The following DNAI4 variants were observed in gnomAD, a reference collection of about 807,000 sequenced individuals.
DNAI4 encodes the protein WD repeat domain 78.
A neutral mutation model predicts 105.8 loss-of-function variants in DNAI4; 85 were observed. The observed-to-expected ratio is 0.80, with a 90% CI of 0.67 to 0.96. The LOEUF is 0.96. DNAI4 is among the 40% of genes least tolerant of loss of function. The pLI is 0.00. For synonymous variants in DNAI4, 352 were observed against 331.5 expected, an observed-to-expected ratio of 1.06 and a Z score of -0.67; for missense variants, 1,014 against 1,005.6, an observed-to-expected ratio of 1.01 and a Z score of -0.11.
At chr1:66,896,341 T>A (rs1648337349) in intron 2 of DNAI4, among the ~76,000 whole-genome samples, 1 of 152,264 alleles carries the variant, frequency 6.6e-6, no homozygotes, top group African/African-American at 2.4e-5. Context: ...ATGTGCTTTT[T>A]AAATTGCTTT....
In DNAI4 at chr1:66,826,802, A is replaced by T. The variant is rs773066908; in HGVS notation, c.2339+18T>A. The T allele has an allele frequency of 1.2e-6, 2 of 1,609,340 alleles. No individual in the cohort carries two copies. The highest frequency in any genetic ancestry group is 1.7e-6 in the Non-Finnish European group (2 of 1,177,650). On this transcript the variant is annotated intron_variant, in intron 15 of 16. Transcript: ENST00000371026. Reference sequence around the variant, plus strand: ...AACTGCTTCTACTAAAATTTATGCAAGAAAAATAGTAACTTACGTGCTGAT... The same window carrying T: ...AACTGCTTCTACTAAAATTTATGCATGAAAAATAGTAACTTACGTGCTGAT...
Position 66,814,269 on chromosome 1 carries a change from G to C in DNAI4, c.2497-89C>G. ...TTAAAATGCCATTTAAAATTTATAA[G>C]TTAGTGATACACATATCCAATAAGA... On this transcript the variant is annotated intron_variant, in intron 16 of 16. Coordinates refer to ENST00000371026, the MANE Select transcript of DNAI4 (RefSeq NM_024763.5). 9 of 962,924 alleles carry C rather than the reference G, an allele frequency of 9.3e-6. No homozygotes were observed. The South Asian group carries it at 1.2e-4, about 13-fold the overall frequency. The allele number at this position is 962,924 out of a possible 1,614,324, so 59.6% of individuals were successfully genotyped here. A position where few individuals can be genotyped will look rare whatever the true frequency, so the allele number is the denominator to read the frequency against.
intron 1 of DNAI4, among the ~76,000 whole-genome samples, chr1:66,915,095 T>A (rs74767379): frequency 0.029 from 4,363 of 152,320 alleles, 83 homozygotes; most frequent in Non-Finnish European, 0.042. Flanking sequence ...TATAAAACCA[T>A]AAACCCAGCC....
Position 66,835,644 on chromosome 1 carries a change from A to G in DNAI4, c.1715T>C (p.Val572Ala). ...AIYNVRSNSN[V>A]PVLDSSESPQ... ...TTCTTACCTACTATCCAGAACTGGA[A>G]CATTACTGTTGCTCCGTACATTGTA... is the stretch of plus-strand genomic sequence containing the variant. The change falls in exon 11 of 17, where the codon GTT (valine) becomes GCT (alanine). Residue 572 changes from valine (V) to alanine (A), a missense_variant. Physicochemically the swap from Val to Ala is moderately conservative, Grantham distance 64. Transcript: ENST00000371026. 6.2e-7 allele frequency: 1 copy of G among 1,614,132 alleles called. No homozygotes were observed. Among genetic ancestry groups the G allele is most frequent in the Non-Finnish European group, 8.5e-7 (1 of 1,179,992 alleles).
Position 66,827,812 on chromosome 1 carries a change from C to T in DNAI4, c.2112G>A (p.Lys704=), listed in dbSNP as rs1645786683. The T allele has an allele frequency of 6.5e-7, 1 of 1,542,326 alleles. No individual in the cohort carries two copies. The highest frequency in any genetic ancestry group is 8.8e-7 in the Non-Finnish European group (1 of 1,134,478). The change falls in exon 14 of 17, where the codon AAG becomes AAA. Residue 704 remains lysine, a splice_region_variant and synonymous_variant. Coordinates refer to ENST00000371026, the MANE Select transcript of DNAI4 (RefSeq NM_024763.5). ...EQYLDTYRGH[K]GPVYKVTWNP... is the part of the protein sequence containing the mutation. Reference sequence around the variant, plus strand: ...TCCAACCTACTATAATTAAACTAACCTTATGTCCTCTGTAGGTATCTAAGT... The same window carrying T: ...TCCAACCTACTATAATTAAACTAACTTTATGTCCTCTGTAGGTATCTAAGT...
intron 16 of DNAI4, among the ~76,000 whole-genome samples, chr1:66,818,717 G>A (rs1236598531): frequency 2.6e-5 from 4 of 152,022 alleles, no homozygotes; most frequent in Admixed American, 1.3e-4. Context: ...TCAGGAGTTC[G>A]AGACCAGCCA....
chr1:66,869,255 G>T, intron 6 of DNAI4, among the ~76,000 whole-genome samples: 1 of 151,424 alleles, frequency 6.6e-6, no homozygotes, highest in African/African-American at 2.4e-5. Context: ...ATTTTAAAAT[G>T]GTATTTTTGA....
chr1:66,905,148 T>A (rs775453191), intron 2 of DNAI4, 53 bp downstream of exon 2: 42 of 1,299,768 alleles, frequency 3.2e-5, no homozygotes, highest in Non-Finnish European at 4.1e-5. Context: ...ACATTTCAAT[T>A]GAGTTTTTCA....
chr1:66,840,560 ATTG>A lies in DNAI4; in HGVS notation c.1400_1402del (p.Thr467del). The stretch of plus-strand genomic sequence containing the variant: ...CCAAAGTCGTTCCAAGTTGGCGGGT[ATTG>A]TTGATTCTTCTGCATGTATTTCTTC... On this transcript the variant is annotated inframe_deletion, in exon 9 of 17. Coordinates refer to ENST00000371026, the MANE Select transcript of DNAI4 (RefSeq NM_024763.5). 1.2e-6 allele frequency: 2 copies of A among 1,614,168 alleles called. No individual in the cohort carries two copies. Among genetic ancestry groups the A allele is most frequent in the Non-Finnish European group, 1.7e-6 (2 of 1,180,032 alleles).
chr1:66,889,573 A>G (rs1489213538), intron 4 of DNAI4, among the ~76,000 whole-genome samples: 1 of 152,200 alleles, frequency 6.6e-6, no homozygotes, highest in African/African-American at 2.4e-5. Context: ...TGTCAGAGTC[A>G]TTCCTGTTAC....
At chr1:66,905,074 T>C (rs565648324) in intron 2 of DNAI4, 127 bp downstream of exon 2, 2 of 745,596 alleles carry the variant, frequency 2.7e-6, no homozygotes, top group East Asian at 5.8e-5. Context: ...GTGGTAAAAA[T>C]TAACAAAATC....
intron 1 of DNAI4, among the ~76,000 whole-genome samples, chr1:66,918,484 AAGCC>A (rs1413462705): frequency 6.6e-6 from 1 of 152,196 alleles, no homozygotes; most frequent in East Asian, 1.9e-4. Context: ...CTGTGAACTG[AAGCC>A]AGACAACTTA....
chr1:66,900,007 T>C (rs924274944), intron 2 of DNAI4, among the ~76,000 whole-genome samples: 1 of 152,208 alleles, frequency 6.6e-6, no homozygotes, highest in Non-Finnish European at 1.5e-5. Flanking sequence ...CCTACTTTGC[T>C]CTTTTTCAGG....
intron 2 of DNAI4, 61 bp from the exon 3 acceptor site, chr1:66,893,474 C>T (rs1648043424): frequency 8.4e-6 from 10 of 1,194,958 alleles, no homozygotes; most frequent in Non-Finnish European, 1.1e-5. Context: ...TAAATAACAG[C>T]TGCTAGAAAA....
chr1:66,843,233 AGG>A, intron 8 of DNAI4, among the ~76,000 whole-genome samples: 1 of 96,778 alleles, frequency 1.0e-5, no homozygotes, highest in South Asian at 3.9e-4. Flanking sequence ...GGGGGGGAGG[AGG>A]AGGAGGAGGA....
intron 4 of DNAI4, among the ~76,000 whole-genome samples, chr1:66,882,342 T>C (rs1364932221): frequency 1.3e-5 from 2 of 152,244 alleles, no homozygotes; most frequent in Non-Finnish European, 2.9e-5. Context: ...CAATTTCTAA[T>C]TTTATGGATT....
intron 7 of DNAI4, among the ~76,000 whole-genome samples, chr1:66,849,637 G>A (rs993016156): frequency 6.6e-6 from 1 of 152,050 alleles, no homozygotes; most frequent in East Asian, 1.9e-4. Context: ...CATTCAACAA[G>A]TATTTATGAA....
Position 66,874,630 on chromosome 1 carries a change from T to C in DNAI4, c.800+151A>G, listed in dbSNP as rs559771901. 1.1e-5 allele frequency: 6 copies of C among 553,864 alleles called. No homozygotes were observed. In the South Asian group the frequency reaches 3.3e-4, roughly 30 times the overall value. The allele number at this position is 553,864 out of a possible 1,614,324, so 34.3% of individuals were successfully genotyped here. A position where few individuals can be genotyped will look rare whatever the true frequency, so the allele number is the denominator to read the frequency against. ...TTCACATGGCACTTATATAACTTTGTATATAATTTTGTAGGGAATATACAG... is the reference window on the plus strand; with the variant it reads ...TTCACATGGCACTTATATAACTTTGCATATAATTTTGTAGGGAATATACAG... On this transcript the variant is annotated intron_variant, in intron 5 of 16. Transcript: ENST00000371026.
chr1:66,854,061 C>T (rs938935336), intron 7 of DNAI4, among the ~76,000 whole-genome samples: 2 of 152,130 alleles, frequency 1.3e-5, no homozygotes, highest in African/African-American at 4.8e-5. Flanking sequence ...TACTGTATTT[C>T]TAAATACTAC....
Sources: allele counts gnomAD v4.1 joint callset (sites outside exome capture counted in the v4.1 genomes callset), GRCh38; gene constraint gnomAD v4.1.1; transcripts MANE v1.5; gene names NCBI Gene and HGNC (gene_info 2026-07-23, HGNC 2026-07-21).